Variants in FAM135A observed in about 807,000 individuals in gnomAD.
The protein encoded by FAM135A is protein FAM135A.
A neutral mutation model predicts 146.8 loss-of-function variants in FAM135A; 79 were observed. The ratio of observed to expected loss-of-function variants is 0.54; its 90% CI spans 0.45 to 0.65. The LOEUF is 0.65. Among genes scored for constraint, FAM135A ranks in the 30% least tolerant of loss-of-function variants. The pLI is 0.00. For missense variants in FAM135A, 1,623 were observed against 1,758.2 expected (o/e 0.92, Z 1.38); for synonymous variants, 562 against 603.6 (o/e 0.93, Z 1.01).
intron 4 of FAM135A, among the ~76,000 whole-genome samples, chr6:70,448,159 C>T (rs1776242846): frequency 6.6e-6 from 1 of 152,126 alleles, no homozygotes; most frequent in Non-Finnish European, 1.5e-5. Context: ...GAGGCAACTA[C>T]TTTTCGCCCA....
intron 4 of FAM135A, among the ~76,000 whole-genome samples, chr6:70,446,826 A>T (rs553444836): frequency 2.6e-5 from 4 of 152,202 alleles, no homozygotes; most frequent in African/African-American, 9.6e-5. Flanking sequence ...AACCTTGCAA[A>T]TTTTTTTCTA....
At chr6:70,544,543 C>G (rs1244534827) in intron 20 of FAM135A, among the ~76,000 whole-genome samples, 1 of 151,710 alleles carries the variant, frequency 6.6e-6, no homozygotes, top group African/African-American at 2.4e-5. Flanking sequence ...AAAAGAAGAC[C>G]AGCCTGGGCA....
intron 4 of FAM135A, among the ~76,000 whole-genome samples, chr6:70,444,278 C>T (rs1301280613): frequency 1.3e-5 from 2 of 152,168 alleles, no homozygotes; most frequent in East Asian, 3.8e-4. Context: ...TGGCACACGC[C>T]TGTAATCCCA....
intron 3 of FAM135A, 94 bp from the exon 4 acceptor site, chr6:70,428,210 G>C: frequency 1.8e-6 from 1 of 563,486 alleles, no homozygotes; most frequent in Non-Finnish European, 3.0e-6. Flanking sequence ...TTCTGCCTAT[G>C]TGTCATATTC....
At chr6:70,517,400 G>A (rs1039348042) in intron 12 of FAM135A, among the ~76,000 whole-genome samples, 7 of 149,524 alleles carry the variant, frequency 4.7e-5, no homozygotes, top group South Asian at 2.1e-4. Flanking sequence ...GCATGGTGGT[G>A]TGCACGTCTT....
rs1040704804 is a variant in FAM135A at position 70,486,127 on chromosome 6, G to A, written c.823+3973G>A. Reference sequence around the variant, plus strand: ...ATTCTAGTAAGTTTTGTTGTGAAAGGAGTATAGTAACTAGTGCTGTGTGCA... The same window carrying A: ...ATTCTAGTAAGTTTTGTTGTGAAAGAAGTATAGTAACTAGTGCTGTGTGCA... On this transcript the variant is annotated intron_variant, in intron 10 of 21. Transcript: ENST00000418814. 6.4e-6 allele frequency: 10 copies of A among 1,565,866 alleles called. No individual in the cohort carries two copies. In the African/African-American group the frequency reaches 1.2e-4, roughly 19 times the overall value.
chr6:70,431,457 C>T (rs1255070738), intron 4 of FAM135A, among the ~76,000 whole-genome samples: 1 of 152,114 alleles, frequency 6.6e-6, no homozygotes, highest in Non-Finnish European at 1.5e-5. Flanking sequence ...ATGGACAAGG[C>T]ATGGGTCCAC....
chr6:70,482,032 T>G lies in FAM135A; in HGVS notation c.701T>G (p.Leu234Arg). Reference protein sequence around the residue: ...GCSFIIADSFLHHAYRFHYTL... With the variant: ...GCSFIIADSFRHHAYRFHYTL... ...AGCTTCATCATTGCAGACTCCTTCC[T>G]ACATCATGCGTATCGTTTTCATTAT... is the stretch of plus-strand genomic sequence containing the variant. Residue 234 changes from leucine (L) to arginine (R), a missense_variant, in exon 10 of 22, where the codon CTA (leucine) becomes CGA (arginine). Physicochemically the swap from Leu to Arg is moderately radical, Grantham distance 102. Around this residue, in one of 7 missense-constraint regions of FAM135A, gnomAD observed 206 missense variants for 194.7 expected, o/e 1.06. Transcript: ENST00000418814. The G allele has an allele frequency of 6.2e-7, 1 of 1,613,716 alleles. No homozygotes were observed. The highest frequency in any genetic ancestry group is 8.5e-7 in the Non-Finnish European group (1 of 1,179,782).
chr6:70,494,379 C>T (rs1786746513), intron 11 of FAM135A, among the ~76,000 whole-genome samples: 1 of 151,722 alleles, frequency 6.6e-6, no homozygotes, highest in African/African-American at 2.4e-5. Context: ...ATTGTAGTCC[C>T]AGCTACTCAG....
Position 70,533,240 on chromosome 6 carries a change from G to A in FAM135A, c.3856G>A (p.Glu1286Lys). 1 of 1,612,190 alleles carries A rather than the reference G, an allele frequency of 6.2e-7. No homozygotes were observed. The highest frequency in any genetic ancestry group is 8.5e-7 in the Non-Finnish European group (1 of 1,178,676). The change falls in exon 17 of 22, where the codon GAG (glutamate) becomes AAG (lysine). Residue 1286 changes from glutamate (E) to lysine (K), a missense_variant. Transcript: ENST00000418814. Reference sequence around the variant, plus strand: ...GGGAAGAATTGATTTTCTTATGTCTGAGAGAAATCAGGTACAATATGACAG... The same window carrying A: ...GGGAAGAATTGATTTTCTTATGTCTAAGAGAAATCAGGTACAATATGACAG... ...PGGRIDFLMS[E>K]RNQNDTFADF... is the part of the protein sequence containing the mutation.
chr6:70,549,980 T>G (rs1168465022), intron 20 of FAM135A, among the ~76,000 whole-genome samples: 1 of 152,202 alleles, frequency 6.6e-6, no homozygotes, highest in Non-Finnish European at 1.5e-5. Flanking sequence ...AGGCATAGAT[T>G]CCATCTCAAG....
At chr6:70,496,410 G>C (rs552973935) in intron 11 of FAM135A, among the ~76,000 whole-genome samples, 1 of 152,096 alleles carries the variant, frequency 6.6e-6, no homozygotes, top group Non-Finnish European at 1.5e-5. Flanking sequence ...TTAGCCCTTT[G>C]TCAGATGGAT....
chr6:70,533,795 T>C lies in FAM135A; in HGVS notation c.3906T>C (p.Arg1302=). 1 of 1,588,704 alleles carries C rather than the reference T, an allele frequency of 6.3e-7. No individual in the cohort carries two copies. The highest frequency in any genetic ancestry group is 8.5e-7 in the Non-Finnish European group (1 of 1,170,926). Residue 1302 remains arginine (R), a synonymous_variant, in exon 18 of 22, where the codon CGT becomes CGC. Coordinates refer to ENST00000418814, the MANE Select transcript of FAM135A (RefSeq NM_001162529.3). ...TFADFDSMTD[R]LLDEIIQYIQ... ...CTGATTTTGATAGCATGACTGATCG[T>C]CTTTTGGATGAGATAATACAGTATA... is the stretch of plus-strand genomic sequence containing the variant.
Position 70,430,806 on chromosome 6 carries a change from C to T in FAM135A, c.77+2387C>T, listed in dbSNP as rs549771385. Among the ~76,000 whole-genome samples the T allele has an allele frequency of 6.8e-4, 103 of 152,202 alleles. 2 individuals carry two copies. The South Asian group carries it at 0.02, about 30-fold the overall frequency. On this transcript the variant is annotated intron_variant, in intron 4 of 21. Transcript: ENST00000418814. Reference sequence around the variant, plus strand: ...AGATGAAACAGTTTTATTTTCCAACCCAGCAAGTTCTAGTTGCTCTAGATT... The same window carrying T: ...AGATGAAACAGTTTTATTTTCCAACTCAGCAAGTTCTAGTTGCTCTAGATT...
chr6:70,554,384 AATTGAT>A (rs959123355), intron 20 of FAM135A, among the ~76,000 whole-genome samples: 20 of 152,198 alleles, frequency 1.3e-4, no homozygotes, highest in African/African-American at 4.8e-4. Flanking sequence ...GAGGCCTGAG[AATTGAT>A]CCTTAAATTT....
intron 11 of FAM135A, among the ~76,000 whole-genome samples, chr6:70,500,226 A>G (rs1230082600): frequency 6.6e-6 from 1 of 152,032 alleles, no homozygotes; most frequent in African/African-American, 2.4e-5. Context: ...TTATTTCAGT[A>G]AGTTGATCTT....
At chr6:70,508,424 T>C (rs1790276322) in intron 12 of FAM135A, among the ~76,000 whole-genome samples, 1 of 152,180 alleles carries the variant, frequency 6.6e-6, no homozygotes, top group Admixed American at 6.5e-5. Flanking sequence ...TGCTAGTGCT[T>C]CCAAAGATAC....
At chr6:70,502,283 TA>T (rs1409386143) in intron 11 of FAM135A, among the ~76,000 whole-genome samples, 2 of 152,214 alleles carry the variant, frequency 1.3e-5, no homozygotes, top group African/African-American at 4.8e-5. Context: ...TAACTCTCAT[TA>T]TTTGAGCACT....
chr6:70,469,976 G>T (rs1359711993), intron 5 of FAM135A, among the ~76,000 whole-genome samples: 1 of 151,282 alleles, frequency 6.6e-6, no homozygotes, highest in Non-Finnish European at 1.5e-5. Context: ...TGGGCACAGA[G>T]TAAGACTCTG....
Sources: gnomAD v4.1 joint callset for allele counts (sites outside exome capture counted in the v4.1 genomes callset) on GRCh38, gnomAD v4.1.1 for gene constraint, gnomAD v4.1.1 regional missense constraint, MANE v1.5 for transcripts, NCBI Gene and HGNC (gene_info 2026-07-23, HGNC 2026-07-21) for gene names.